The following NLN variants were observed in gnomAD, a reference collection of about 807,000 sequenced individuals.
NLN encodes the protein neurolysin, mitochondrial.
NLN carries 64 observed loss-of-function variants against 79.9 expected under a neutral mutation model. The observed-to-expected ratio is 0.80, with a 90% CI of 0.65 to 0.99. The LOEUF (loss-of-function observed/expected upper bound fraction) is 0.99, where lower values mean the gene tolerates loss of function less well. NLN is among the 50% of genes least tolerant of loss of function. NLN has a pLI of 0.00. For missense variants in NLN, 835 were observed against 858.7 expected (o/e 0.97, Z 0.34); for synonymous variants, 267 against 296.6 (o/e 0.90, Z 1.02).
At chr5:65,727,636 T>C (rs1758508270) in intron 1 of NLN, among the ~76,000 whole-genome samples, 1 of 152,114 alleles carries the variant, frequency 6.6e-6, no homozygotes, top group Non-Finnish European at 1.5e-5. Flanking sequence ...CTAATGTATA[T>C]TATAGAATAA....
chr5:65,780,124 C>G (rs1561198398), intron 4 of NLN, 55 bp from the exon 5 acceptor site: 19 of 775,644 alleles, frequency 2.4e-5, no homozygotes. Flanking sequence ...CCGTGCCTGG[C>G]AAAAAATGAG....
At chr5:65,809,957 T>C (rs1579968094) in intron 10 of NLN, 80 bp from the exon 11 acceptor site, 2 of 1,497,138 alleles carry the variant, frequency 1.3e-6, no homozygotes, top group East Asian at 4.5e-5. Flanking sequence ...GAATCTGTTT[T>C]TGGAATCTAC....
At chr5:65,749,554 C>T (rs1759058936) in intron 1 of NLN, among the ~76,000 whole-genome samples, 1 of 152,072 alleles carries the variant, frequency 6.6e-6, no homozygotes, top group Non-Finnish European at 1.5e-5. Flanking sequence ...GTTGAGTGTC[C>T]AAGAAAGAGA....
At chr5:65,749,938 T>C (rs1314999136) in intron 1 of NLN, among the ~76,000 whole-genome samples, 1 of 152,242 alleles carries the variant, frequency 6.6e-6, no homozygotes, top group East Asian at 1.9e-4. Context: ...TATTTCTGCA[T>C]GTTGTGAGGA....
chr5:65,782,286 T>C (rs1759818381), intron 6 of NLN, among the ~76,000 whole-genome samples: 1 of 152,224 alleles, frequency 6.6e-6, no homozygotes, highest in Admixed American at 6.5e-5. Context: ...CTGGTCCTGC[T>C]AATGTCAGGT....
chr5:65,739,388 G>A (rs891237343), intron 1 of NLN, among the ~76,000 whole-genome samples: 1 of 152,052 alleles, frequency 6.6e-6, no homozygotes, highest in Admixed American at 6.6e-5. Flanking sequence ...CATTGTGTAT[G>A]TATACCACAT....
intron 6 of NLN, among the ~76,000 whole-genome samples, chr5:65,782,321 A>T (rs1759819061): frequency 6.6e-6 from 1 of 152,146 alleles, no homozygotes; most frequent in Admixed American, 6.5e-5. Context: ...TGCTTTAGGG[A>T]TCAAATAATC....
Position 65,826,055 on chromosome 5 carries a change from C to T in NLN, c.*3140C>T, listed in dbSNP as rs189012690. ...GGAAGCTGGGAAGTCCCACAATCCA[C>T]ATGCTGGTAAATTTGGTTCGTGGTG... On this transcript the variant is annotated 3_prime_UTR_variant, in exon 13 of 13. Coordinates refer to ENST00000380985, the MANE Select transcript of NLN (RefSeq NM_020726.5). 1.0e-3 allele frequency: 158 copies of T among 152,376 alleles called. No individual in the cohort carries two copies. Among genetic ancestry groups the T allele is most frequent in the African/African-American group, 3.8e-3 (156 of 41,592 alleles). The allele number at this position is 152,376 out of a possible 1,614,324, so 9.4% of individuals were successfully genotyped here.
At chr5:65,756,658 T>C (rs1474909734) in intron 1 of NLN, among the ~76,000 whole-genome samples, 1 of 152,136 alleles carries the variant, frequency 6.6e-6, no homozygotes, top group Non-Finnish European at 1.5e-5. Flanking sequence ...AGTTTTTTGT[T>C]GTTGTCGTTG....
At position 65,777,732 on chromosome 5, in the gene NLN, G is replaced by T. The variant is rs562825437; in HGVS notation, c.558+198G>T. Among the ~76,000 whole-genome samples, 1 of 152,126 alleles carries T rather than the reference G, an allele frequency of 6.6e-6. No individual in the cohort carries two copies. Among genetic ancestry groups the T allele is most frequent in the Admixed American group, 6.5e-5 (1 of 15,270 alleles). On this transcript the variant is annotated intron_variant, in intron 4 of 12. Coordinates refer to ENST00000380985, the MANE Select transcript of NLN (RefSeq NM_020726.5). ...AGGCGTGCTCTACTGGTAATAATGG[G>T]AATATTCCAAACTCCAGAAAACTCC...
chr5:65,752,200 T>G (rs1759116946), intron 1 of NLN, among the ~76,000 whole-genome samples: 1 of 151,590 alleles, frequency 6.6e-6, no homozygotes, highest in South Asian at 2.1e-4. Context: ...TCACGCCACC[T>G]GGACTGTAGC....
At chr5:65,731,742 CTTTTTTTTTTTT>C (rs761722243) in intron 1 of NLN, among the ~76,000 whole-genome samples, 5 of 61,990 alleles carry the variant, frequency 8.1e-5, no homozygotes, top group African/African-American at 1.9e-4. Flanking sequence ...CCTACATTTT[CTTTTTTTTTTTT>C]TTTTTTTTTT....
chr5:65,758,767 A>T lies in NLN; in HGVS notation c.242A>T (p.Glu81Val), dbSNP rs1759278406. Residue 81 changes from glutamate (E) to valine (V), a missense_variant, in exon 2 of 13, where the codon GAG becomes GTG. Glu to Val is a moderately radical substitution (Grantham distance 121). Coordinates refer to ENST00000380985, the MANE Select transcript of NLN (RefSeq NM_020726.5). ...GATGCTGTTGGAATGCTCGGTATTGAGGAAGTAACTTACGAGAACTGTCTG... is the reference window on the plus strand; with the variant it reads ...GATGCTGTTGGAATGCTCGGTATTGTGGAAGTAACTTACGAGAACTGTCTG... ...VYDAVGMLGIEEVTYENCLQA... is the reference protein window; with the variant it reads ...VYDAVGMLGIVEVTYENCLQA... 1 of 1,613,708 alleles carries T rather than the reference A, an allele frequency of 6.2e-7. No individual in the cohort carries two copies. Among genetic ancestry groups the T allele is most frequent in the South Asian group, 1.1e-5 (1 of 91,080 alleles).
intron 1 of NLN, among the ~76,000 whole-genome samples, chr5:65,749,396 G>A (rs555201625): frequency 1.3e-5 from 2 of 152,334 alleles, no homozygotes; most frequent in South Asian, 2.1e-4. Flanking sequence ...GGTTTACCCT[G>A]TGTCAAGGCC....
At chr5:65,794,274 A>G (rs1760124788) in intron 9 of NLN, among the ~76,000 whole-genome samples, 1 of 152,228 alleles carries the variant, frequency 6.6e-6, no homozygotes, top group South Asian at 2.1e-4. Context: ...CTTACACAGT[A>G]GATCCTAGTA....
At chr5:65,722,665 G>T (rs1758345218) in intron 1 of NLN, 1 of 510,120 alleles carries the variant, frequency 2.0e-6, no homozygotes, top group East Asian at 3.6e-5. Flanking sequence ...GCCGCAGTCA[G>T]CGAGGCTGGT....
chr5:65,812,395 T>C lies in NLN; in HGVS notation c.1980+4T>C, dbSNP rs750616425. 3 of 1,496,618 alleles carry C rather than the reference T, an allele frequency of 2.0e-6. No individual in the cohort carries two copies. The highest frequency in any genetic ancestry group is 1.2e-5 in the South Asian group (1 of 86,778). 92.7% of individuals were successfully genotyped at this position (1,496,618 alleles called of 1,614,324 possible). A position where few individuals can be genotyped will look rare whatever the true frequency, so the allele number is the denominator to read the frequency against. On this transcript the variant is annotated splice_donor_region_variant and intron_variant, in intron 12 of 12. Transcript: ENST00000380985. ...AGAAGGGATAATGAATCCAGAGGTA[T>C]AGTATTATTTTTCTCCTTTTATTAA...
chr5:65,763,207 T>C (rs1759377847), intron 3 of NLN, 99 bp downstream of exon 3: 3 of 1,017,970 alleles, frequency 2.9e-6, no homozygotes, highest in Non-Finnish European at 4.4e-6. Flanking sequence ...TTTCTTAGCT[T>C]TTGTTTCGAA....
chr5:65,797,984 T>C (rs983960239), intron 9 of NLN, among the ~76,000 whole-genome samples: 2 of 151,944 alleles, frequency 1.3e-5, no homozygotes, highest in African/African-American at 4.8e-5. Flanking sequence ...CAGCTTGGAG[T>C]ATTGGGAGTG....
Sources: gnomAD v4.1 joint callset for allele counts (sites outside exome capture counted in the v4.1 genomes callset) on GRCh38, gnomAD v4.1.1 for gene constraint, MANE v1.5 for transcripts, NCBI Gene and HGNC (gene_info 2026-07-23, HGNC 2026-07-21) for gene names.